CCDC146: variants seen among roughly 807,000 people sequenced by gnomAD.
CCDC146 encodes the protein coiled-coil domain-containing protein 146.
A neutral mutation model predicts 119.3 loss-of-function variants in CCDC146; 92 were observed. The observed-to-expected ratio is 0.77, with a 90% confidence interval of 0.65 to 0.92. CCDC146 has a LOEUF of 0.92. Among genes scored for constraint, CCDC146 ranks in the 40% least tolerant of loss-of-function variants. The pLI, the probability that CCDC146 is intolerant of heterozygous loss-of-function variation, is 0.00. For missense variants in CCDC146, 1,000 were observed against 1,103.0 expected (o/e 0.91, Z 1.32); for synonymous variants, 372 against 371.8 (o/e 1.00, Z -0.01).
At chr7:77,236,782 A>G (rs1192929079) in intron 2 of CCDC146, among the ~76,000 whole-genome samples, 165 bp from the exon 3 acceptor site, 1 of 152,210 alleles carries the variant, frequency 6.6e-6, no homozygotes, top group African/African-American at 2.4e-5. Flanking sequence ...TAGAACTAGC[A>G]CTATTTTCTC....
intron 2 of CCDC146, among the ~76,000 whole-genome samples, chr7:77,211,378 C>A (rs1306407255): frequency 6.6e-6 from 1 of 152,038 alleles, no homozygotes; most frequent in African/African-American, 2.4e-5. Context: ...TTTGTAAGAA[C>A]CATTGATATT....
At chr7:77,208,511 T>C (rs959976698) in intron 2 of CCDC146, among the ~76,000 whole-genome samples, 1 of 152,246 alleles carries the variant, frequency 6.6e-6, no homozygotes, top group Non-Finnish European at 1.5e-5. Flanking sequence ...TATGATATTA[T>C]AATCTTATGG....
chr7:77,262,962 C>G (rs1793329741), intron 9 of CCDC146, among the ~76,000 whole-genome samples: 1 of 152,196 alleles, frequency 6.6e-6, no homozygotes, highest in African/African-American at 2.4e-5. Flanking sequence ...AGGGCTTCAG[C>G]CTTGTGCTAG....
intron 2 of CCDC146, among the ~76,000 whole-genome samples, chr7:77,201,387 CAAAAAAAA>C (rs56093311): frequency 7.5e-6 from 1 of 133,294 alleles, no homozygotes; most frequent in Non-Finnish European, 1.7e-5. Flanking sequence ...ACTAAAAATA[CAAAAAAAA>C]AAAAAAAAAT....
intron 2 of CCDC146, among the ~76,000 whole-genome samples, chr7:77,218,052 A>G (rs1409800887): frequency 6.6e-6 from 1 of 152,158 alleles, no homozygotes; most frequent in African/African-American, 2.4e-5. Context: ...TTACACCAAC[A>G]TCGCTACAAC....
In CCDC146 at chr7:77,199,230, A is replaced by G. The variant is rs757547085; in HGVS notation, c.156+31406A>G. 13 of 1,613,990 alleles carry G rather than the reference A, an allele frequency of 8.1e-6. No individual in the cohort carries two copies. The South Asian group carries it at 1.1e-4, about 14-fold the overall frequency. ...GGCTGGGACACTTTGAACATTTGCC[A>G]TCCAAACTATTGACAACAAATGTTA... On this transcript the variant is annotated intron_variant, in intron 2 of 18. Coordinates refer to ENST00000285871, the MANE Select transcript of CCDC146 (RefSeq NM_020879.3).
rs578107720 is a variant in CCDC146 at position 77,164,115 on chromosome 7, C to G, written c.-11-3543C>G. Among the ~76,000 whole-genome samples, 158 of 151,924 alleles carry G rather than the reference C, an allele frequency of 1.0e-3. 1 individual carries two copies. Among genetic ancestry groups the G allele is most frequent in the African/African-American group, 3.6e-3 (151 of 41,460 alleles). On this transcript the variant is annotated intron_variant, in intron 1 of 18. Transcript: ENST00000285871. ...TGATCTCAGGTAATCCACCTGCCTC[C>G]GTCTCCCAAAGTGCTGAGATTACAG...
chr7:77,257,046 C>T (rs1382774618), intron 6 of CCDC146, among the ~76,000 whole-genome samples: 5 of 152,086 alleles, frequency 3.3e-5, no homozygotes, highest in African/African-American at 1.2e-4. Context: ...GTGGAGATTG[C>T]AGTGAGCTGA....
intron 1 of CCDC146, among the ~76,000 whole-genome samples, chr7:77,127,734 C>T (rs1169956312): frequency 2.6e-5 from 4 of 152,154 alleles, no homozygotes; most frequent in East Asian, 1.9e-4. Context: ...AAACCTTCAG[C>T]GTTTCCTTGC....
At chr7:77,146,101 C>G (rs1791014863) in intron 1 of CCDC146, among the ~76,000 whole-genome samples, 2 of 152,082 alleles carry the variant, frequency 1.3e-5, no homozygotes, top group South Asian at 2.1e-4. Context: ...TCTGGGTGCT[C>G]TTGTATTGGG....
At chr7:77,268,742 TACAG>T (rs1793454141) in intron 9 of CCDC146, among the ~76,000 whole-genome samples, 1 of 152,218 alleles carries the variant, frequency 6.6e-6, no homozygotes, top group Non-Finnish European at 1.5e-5. Flanking sequence ...ACACTAGCCA[TACAG>T]ACAATTAGTG....
chr7:77,218,099 A>G (rs1044610598), intron 2 of CCDC146, among the ~76,000 whole-genome samples: 1 of 152,146 alleles, frequency 6.6e-6, no homozygotes, highest in African/African-American at 2.4e-5. Context: ...TGTCAGGACA[A>G]CTACACTGTC....
rs565288606 is a variant in CCDC146 at position 77,217,850 on chromosome 7, A to G, written c.157-19097A>G. On this transcript the variant is annotated intron_variant, in intron 2 of 18. Coordinates refer to ENST00000285871, the MANE Select transcript of CCDC146 (RefSeq NM_020879.3). Reference sequence around the variant, plus strand: ...TATTTAAGTATCTAAATGTATCTAAACATAGAAAAGGTACAGTAAAAATAT... The same window carrying G: ...TATTTAAGTATCTAAATGTATCTAAGCATAGAAAAGGTACAGTAAAAATAT... Among the ~76,000 whole-genome samples, 49 of 152,318 alleles carry G rather than the reference A, an allele frequency of 3.2e-4. 1 individual carries two copies. The highest frequency in any genetic ancestry group is 1.1e-3 in the African/African-American group (47 of 41,566).
intron 2 of CCDC146, among the ~76,000 whole-genome samples, chr7:77,235,450 A>AAG (rs1310514056): frequency 6.6e-6 from 1 of 152,132 alleles, no homozygotes; most frequent in African/African-American, 2.4e-5. Context: ...CCTGGAGAAA[A>AAG]AGAGAGACTC....
chr7:77,174,657 C>T (rs1310920855), intron 2 of CCDC146, among the ~76,000 whole-genome samples: 1 of 152,128 alleles, frequency 6.6e-6, no homozygotes, highest in Non-Finnish European at 1.5e-5. Flanking sequence ...CTGCCTCAGA[C>T]CTCTTTTAGC....
rs138979976 is a variant in CCDC146 at position 77,218,054 on chromosome 7, C to T, written c.157-18893C>T. ...ATAATAAGTTTGTTTACACCAACAT[C>T]GCTACAACCACATGACCAATGTGTT... is the stretch of plus-strand genomic sequence containing the variant. On this transcript the variant is annotated intron_variant, in intron 2 of 18. Transcript: ENST00000285871. 2.7e-3 allele frequency among the ~76,000 whole-genome samples: 417 copies of T among 152,168 alleles called. 1 individual carries two copies. Among genetic ancestry groups the T allele is most frequent in the African/African-American group, 9.6e-3 (398 of 41,510 alleles).
rs1793591680 is a variant in CCDC146, at chr7:77,274,531, A to C, written c.1319A>C (p.Glu440Ala). Residue 440 changes from glutamate to alanine, a missense_variant, in exon 11 of 19, where the codon GAA becomes GCA. This residue lies in a region of CCDC146 where 985 missense variants were observed against 1,045.3 expected (regional missense o/e 0.94). Coordinates refer to ENST00000285871, the MANE Select transcript of CCDC146 (RefSeq NM_020879.3). ...ESKLVEQQLA[E>A]ENKLLKEQEN... ...AAGTTAGTAGAACAACAACTTGCAG[A>C]AGAAAACAAGCTTTTAAAGGAGCAA... is the stretch of plus-strand genomic sequence containing the variant. The C allele has an allele frequency of 6.2e-7, 1 of 1,609,992 alleles. No homozygotes were observed. Among genetic ancestry groups the C allele is most frequent in the African/African-American group, 1.3e-5 (1 of 74,692 alleles).
chr7:77,260,303 C>A, intron 8 of CCDC146, 67 bp downstream of exon 8: 1 of 1,124,934 alleles, frequency 8.9e-7, no homozygotes, highest in Non-Finnish European at 1.3e-6. Flanking sequence ...TTTGAGAATT[C>A]AAAATCTCAC....
chr7:77,210,220 G>A (rs752445568), intron 2 of CCDC146, among the ~76,000 whole-genome samples: 1 of 152,198 alleles, frequency 6.6e-6, no homozygotes, highest in Non-Finnish European at 1.5e-5. Context: ...ACATATGAGT[G>A]TATGCTGTTA....
Sources: gnomAD v4.1 joint callset for allele counts (sites outside exome capture counted in the v4.1 genomes callset) on GRCh38, gnomAD v4.1.1 for gene constraint, gnomAD v4.1.1 regional missense constraint, MANE v1.5 for transcripts, NCBI Gene and HGNC (gene_info 2026-07-23, HGNC 2026-07-21) for gene names.